Variants in NPTN observed in about 807,000 individuals in gnomAD.
The protein encoded by NPTN is neuroplastin.
NPTN carries 5 observed loss-of-function variants against 42.7 expected under a neutral mutation model. The ratio of observed to expected loss-of-function variants is 0.12; its 90% CI spans 0.06 to 0.25. The LOEUF is 0.25. Ranked by LOEUF, NPTN falls within the 10% of genes least tolerant of loss-of-function variation. The pLI, the probability that NPTN is intolerant of heterozygous loss-of-function variation, is 1.00. For synonymous variants in NPTN, 180 were observed against 201.9 expected (o/e 0.89, Z 0.92); for missense variants, 307 against 525.4 (o/e 0.58, Z 4.06).
intron 1 of NPTN, among the ~76,000 whole-genome samples, chr15:73,625,165 C>T (rs1406206264): frequency 1.3e-5 from 2 of 152,184 alleles, no homozygotes; most frequent in African/African-American, 2.4e-5. Context: ...CTGAGTTTCA[C>T]GGCCCATGAA....
At chr15:73,622,518 C>G (rs979776062) in intron 1 of NPTN, among the ~76,000 whole-genome samples, 4 of 145,586 alleles carry the variant, frequency 2.7e-5, no homozygotes, top group Non-Finnish European at 4.5e-5. Context: ...AAAAAAAAAG[C>G]CTGACGCCCT....
At chr15:73,618,879 C>T (rs1897988793) in intron 1 of NPTN, among the ~76,000 whole-genome samples, 1 of 151,778 alleles carries the variant, frequency 6.6e-6, no homozygotes, top group South Asian at 2.1e-4. Flanking sequence ...CAGAGTGAGA[C>T]ACCATCTCTA....
intron 4 of NPTN, among the ~76,000 whole-genome samples, chr15:73,580,682 T>C (rs1413789617): frequency 1.3e-5 from 2 of 150,658 alleles, no homozygotes; most frequent in Non-Finnish European, 2.9e-5. Flanking sequence ...TACTGGTAAC[T>C]GCAGAGCAAA....
At chr15:73,626,750 G>C (rs572599104) in intron 1 of NPTN, among the ~76,000 whole-genome samples, 24 of 152,256 alleles carry the variant, frequency 1.6e-4, no homozygotes, top group Non-Finnish European at 3.4e-4. Flanking sequence ...TATCCATTTA[G>C]ATATGATTAA....
intron 1 of NPTN, among the ~76,000 whole-genome samples, chr15:73,626,374 T>C (rs1898410982): frequency 6.6e-6 from 1 of 152,232 alleles, no homozygotes; most frequent in South Asian, 2.1e-4. Context: ...AAACAGTGCA[T>C]GCCTCAAAGT....
At chr15:73,612,573 C>T (rs1897643914) in intron 1 of NPTN, among the ~76,000 whole-genome samples, 1 of 152,068 alleles carries the variant, frequency 6.6e-6, no homozygotes, top group African/African-American at 2.4e-5. Flanking sequence ...TGAGACCATC[C>T]TGGCTAACAT....
chr15:73,596,183 C>T (rs1199332576), intron 2 of NPTN, among the ~76,000 whole-genome samples: 1 of 152,200 alleles, frequency 6.6e-6, no homozygotes, highest in African/African-American at 2.4e-5. Flanking sequence ...TTAGTGTCAC[C>T]TGGCTCCTAA....
At chr15:73,622,261 GC>G (rs1371901708) in intron 1 of NPTN, among the ~76,000 whole-genome samples, 1 of 152,106 alleles carries the variant, frequency 6.6e-6, no homozygotes, top group Non-Finnish European at 1.5e-5. Context: ...TTACAATTCA[GC>G]AAGTGAAAAT....
intron 1 of NPTN, among the ~76,000 whole-genome samples, chr15:73,630,093 T>G (rs1898655348): frequency 6.6e-6 from 1 of 152,218 alleles, no homozygotes; most frequent in Non-Finnish European, 1.5e-5. Flanking sequence ...TTTTAAAGGA[T>G]AGTAGTAATA....
intron 8 of NPTN, 85 bp downstream of exon 8, chr15:73,561,811 A>G (rs1391622222): frequency 2.1e-5 from 21 of 1,001,028 alleles, no homozygotes; most frequent in Non-Finnish European, 3.0e-5. Flanking sequence ...TATAACACCA[A>G]TTACTGAAGA....
In NPTN at chr15:73,569,212, A is replaced by T. The variant is rs887714178; in HGVS notation, c.1114+938T>A. On this transcript the variant is annotated intron_variant, in intron 6 of 8. Coordinates refer to ENST00000345330, the MANE Select transcript of NPTN (RefSeq NM_012428.4). This position sits in a 1 kb window ranked among gnomAD's most constrained non-coding sequence, Gnocchi z 4.1. ...TTAATTTCTGTACGCCGGTCATGTT[A>T]TAGGGTGGGGATGGGGAGCCAGCTG... 2.0e-6 allele frequency: 2 copies of T among 985,426 alleles called. No homozygotes were observed. The highest frequency in any genetic ancestry group is 3.5e-5 in the African/African-American group (2 of 57,246). 61.0% of individuals were successfully genotyped at this position (985,426 alleles called of 1,614,324 possible).
At chr15:73,584,467 G>A (rs1321880804) in intron 4 of NPTN, among the ~76,000 whole-genome samples, 1 of 152,070 alleles carries the variant, frequency 6.6e-6, no homozygotes, top group Admixed American at 6.5e-5. Flanking sequence ...AATTATAGGG[G>A]TAGAAAATTT....
At chr15:73,616,644 T>C (rs1002057792) in intron 1 of NPTN, among the ~76,000 whole-genome samples, 3 of 152,226 alleles carry the variant, frequency 2.0e-5, no homozygotes, top group Non-Finnish European at 4.4e-5. Flanking sequence ...TTATTTCTAC[T>C]CTCCTCAACT....
chr15:73,572,310 A>C (rs1895445403), intron 5 of NPTN, among the ~76,000 whole-genome samples: 1 of 152,210 alleles, frequency 6.6e-6, no homozygotes, highest in Non-Finnish European at 1.5e-5. Flanking sequence ...TGATAATCAA[A>C]GAGGATCCAT....
chr15:73,565,840 A>G, intron 6 of NPTN: 1 of 455,084 alleles, frequency 2.2e-6, no homozygotes, highest in Non-Finnish European at 4.4e-6. Context: ...CACAGCCCTC[A>G]CTCCCCCTAT....
At chr15:73,587,228 A>G (rs1896361179) in intron 4 of NPTN, among the ~76,000 whole-genome samples, 1 of 152,194 alleles carries the variant, frequency 6.6e-6, no homozygotes, top group African/African-American at 2.4e-5. Context: ...CAATCTATTA[A>G]CTTATTTAAT....
intron 3 of NPTN, among the ~76,000 whole-genome samples, chr15:73,591,388 G>C (rs1159678231): frequency 6.6e-6 from 1 of 152,112 alleles, no homozygotes; most frequent in Non-Finnish European, 1.5e-5. Flanking sequence ...CAAATATTTG[G>C]GTGCTGGGTA....
intron 1 of NPTN, among the ~76,000 whole-genome samples, chr15:73,602,807 T>C (rs1222756490): frequency 6.6e-6 from 1 of 152,180 alleles, no homozygotes; most frequent in East Asian, 1.9e-4. Context: ...ACAAAACATT[T>C]TCCAAATTCA....
intron 2 of NPTN, among the ~76,000 whole-genome samples, chr15:73,594,951 T>TA (rs770131038): frequency 0.072 from 9,216 of 128,864 alleles, 362 homozygotes; most frequent in African/African-American, 0.13. Flanking sequence ...CAGGGTGTTT[T>TA]AAAAAAAAAA....
Sources: gnomAD v4.1 joint callset for allele counts (sites outside exome capture counted in the v4.1 genomes callset) on GRCh38, gnomAD v4.1.1 for gene constraint, Gnocchi (gnomAD v3.1) non-coding constraint, MANE v1.5 for transcripts, NCBI Gene and HGNC (gene_info 2026-07-23, HGNC 2026-07-21) for gene names.